The following ALS2 variants were observed in gnomAD, a reference collection of about 807,000 sequenced individuals.
ALS2 encodes the protein alsin.
ALS2 carries 117 observed loss-of-function variants against 203.4 expected under a neutral mutation model. That is an observed-to-expected ratio of 0.58 (90% CI 0.50 to 0.67). The LOEUF (loss-of-function observed/expected upper bound fraction) is 0.67. Ranked by LOEUF, ALS2 falls within the 30% of genes least tolerant of loss-of-function variation. The pLI, the probability that ALS2 is intolerant of heterozygous loss-of-function variation, is 0.00. For missense variants in ALS2, 1,715 were observed against 1,989.4 expected, an observed-to-expected ratio of 0.86 and a Z score of 2.62; for synonymous variants, 718 against 725.9, an observed-to-expected ratio of 0.99 and a Z score of 0.17.
intron 29 of ALS2, among the ~76,000 whole-genome samples, chr2:201,705,884 G>A (rs1040552574): frequency 3.3e-5 from 5 of 151,962 alleles, no homozygotes; most frequent in Non-Finnish European, 7.4e-5. Flanking sequence ...GGGAGGTGGA[G>A]GTTGCAGCTA....
intron 1 of ALS2, among the ~76,000 whole-genome samples, chr2:201,773,787 T>G (rs538638104): frequency 1.3e-5 from 2 of 151,958 alleles, no homozygotes; most frequent in African/African-American, 4.8e-5. Context: ...CGCCTGGAAG[T>G]TGGATAGGAT....
chr2:201,723,788 T>G (rs1005288693), intron 21 of ALS2, among the ~76,000 whole-genome samples: 13 of 152,218 alleles, frequency 8.5e-5, no homozygotes, highest in African/African-American at 3.1e-4. Context: ...ATAAAACCTA[T>G]GCACAGGTTT....
intron 8 of ALS2, among the ~76,000 whole-genome samples, chr2:201,747,943 T>C (rs1201678143): frequency 1.3e-5 from 2 of 152,206 alleles, no homozygotes; most frequent in Non-Finnish European, 2.9e-5. Flanking sequence ...ATTTGTGGGT[T>C]TTATGTATGG....
At chr2:201,775,228 T>G (rs1694599634) in intron 1 of ALS2, among the ~76,000 whole-genome samples, 1 of 152,170 alleles carries the variant, frequency 6.6e-6, no homozygotes, top group Non-Finnish European at 1.5e-5. Context: ...TACCATAGAT[T>G]TCATGTAGCC....
At chr2:201,722,883 A>T in intron 23 of ALS2, 160 bp downstream of exon 23, 1 of 617,296 alleles carries the variant, frequency 1.6e-6, no homozygotes, top group Non-Finnish European at 2.9e-6. Context: ...CTGAAACTGG[A>T]TTGTGGTGGT....
At chr2:201,773,748 G>A (rs553870917) in intron 1 of ALS2, among the ~76,000 whole-genome samples, 1 of 152,204 alleles carries the variant, frequency 6.6e-6, no homozygotes, top group South Asian at 2.1e-4. Context: ...AGAAAGGAAA[G>A]CGCAGTGTCA....
intron 19 of ALS2, 67 bp downstream of exon 19, chr2:201,726,417 C>A: frequency 1.6e-5 from 22 of 1,388,534 alleles, no homozygotes; most frequent in Non-Finnish European, 2.2e-5. Flanking sequence ...GCTCTGCATA[C>A]AAAATAACAT....
At chr2:201,768,751 A>AT (rs1694230479) in intron 2 of ALS2, 115 bp downstream of exon 2, 2 of 1,013,704 alleles carry the variant, frequency 2.0e-6, no homozygotes, top group Admixed American at 3.9e-5. Flanking sequence ...AAATGTCACT[A>AT]TTCCCACTTA....
intron 1 of ALS2, among the ~76,000 whole-genome samples, chr2:201,773,547 T>C (rs1694516588): frequency 6.6e-6 from 1 of 152,120 alleles, no homozygotes; most frequent in African/African-American, 2.4e-5. Context: ...AAAGATAAGA[T>C]TCTGGTAGGA....
intron 32 of ALS2, 28 bp from the exon 33 acceptor site, chr2:201,704,246 T>G (rs763796804): frequency 1.3e-6 from 2 of 1,587,156 alleles, no homozygotes; most frequent in Non-Finnish European, 1.7e-6. Flanking sequence ...AGATGCTGAG[T>G]TATTTTCACT....
rs780757986 is a variant in ALS2 at position 201,757,689 on chromosome 2, A to G, written c.1184T>C (p.Leu395Pro). 6.2e-7 allele frequency: 1 copy of G among 1,613,948 alleles called. No homozygotes were observed. Among genetic ancestry groups the G allele is most frequent in the South Asian group, 1.1e-5 (1 of 91,084 alleles). Residue 395 changes from leucine (L) to proline (P), a missense_variant, in exon 5 of 34, where the codon CTG (leucine) becomes CCG (proline). This residue lies in a region of ALS2 where 476 missense variants were observed against 539.3 expected (regional missense o/e 0.88). Coordinates refer to ENST00000264276, the MANE Select transcript of ALS2 (RefSeq NM_020919.4). Reference protein sequence around the residue: ...PTTSTSALNSLVVSCASAVGV... With the variant: ...PTTSTSALNSPVVSCASAVGV... ...AACAGCAGATGCACAAGAGACCACCAGGCTGTTTAGGGCTGAGGTGCTTGT... is the reference window on the plus strand; with the variant it reads ...AACAGCAGATGCACAAGAGACCACCGGGCTGTTTAGGGCTGAGGTGCTTGT...
chr2:201,738,422 C>T, intron 12 of ALS2: 2 of 514,564 alleles, frequency 3.9e-6, no homozygotes, highest in Admixed American at 3.2e-5. Flanking sequence ...TCCAAAGTCT[C>T]AAGGATAGCA....
chr2:201,737,904 AGAGC>A (rs1691986977), intron 12 of ALS2, among the ~76,000 whole-genome samples: 1 of 152,060 alleles, frequency 6.6e-6, no homozygotes. Context: ...CCTGGATGAC[AGAGC>A]GAGACCCCGT....
intron 13 of ALS2, among the ~76,000 whole-genome samples, chr2:201,732,832 T>A (rs973252507): frequency 6.6e-6 from 1 of 152,166 alleles, no homozygotes; most frequent in Non-Finnish European, 1.5e-5. Flanking sequence ...CCTCTCAGCA[T>A]TTGCTAAGGT....
chr2:201,713,311 G>A (rs367575551), intron 25 of ALS2, among the ~76,000 whole-genome samples: 9 of 151,482 alleles, frequency 5.9e-5, no homozygotes, highest in African/African-American at 2.2e-4. Context: ...TAGTAGATAT[G>A]GGGTTTCACT....
chr2:201,719,958 C>A, intron 23 of ALS2: 1 of 244,710 alleles, frequency 4.1e-6, no homozygotes, highest in South Asian at 4.0e-5. Flanking sequence ...AGTAAAGAAA[C>A]TGAGTTAGAA....
At chr2:201,759,031 G>T (rs1693592074) in intron 4 of ALS2, among the ~76,000 whole-genome samples, 1 of 152,106 alleles carries the variant, frequency 6.6e-6, no homozygotes, top group Admixed American at 6.6e-5. Flanking sequence ...TTGTTCAGAA[G>T]AACTAGTGTC....
At chr2:201,767,413 T>A in intron 2 of ALS2, 30 bp from the exon 3 acceptor site, 1 of 1,611,974 alleles carries the variant, frequency 6.2e-7, no homozygotes, top group Non-Finnish European at 8.5e-7. Flanking sequence ...AGCTTAATTG[T>A]TTCTACAATT....
intron 23 of ALS2, 37 bp downstream of exon 23, chr2:201,723,006 T>G: frequency 6.7e-7 from 1 of 1,485,430 alleles, no homozygotes; most frequent in Non-Finnish European, 9.3e-7. Flanking sequence ...GTAAAAGAAT[T>G]TATTAGGGAG....
Sources: allele counts gnomAD v4.1 joint callset (sites outside exome capture counted in the v4.1 genomes callset), GRCh38; gene constraint gnomAD v4.1.1; regional missense constraint gnomAD v4.1.1; transcripts MANE v1.5; gene names NCBI Gene and HGNC (gene_info 2026-07-23, HGNC 2026-07-21).